SLC9A9: variants seen among roughly 807,000 people sequenced by gnomAD.
The protein encoded by SLC9A9 is solute carrier family 9 member A9.
A neutral mutation model predicts 77.8 loss-of-function variants in SLC9A9; 62 were observed. The observed-to-expected ratio is 0.80, with a 90% CI of 0.65 to 0.98. SLC9A9 has a LOEUF of 0.98. Among genes scored for constraint, SLC9A9 ranks in the 50% least tolerant of loss-of-function variants. The pLI, the probability that SLC9A9 is intolerant of heterozygous loss-of-function variation, is 0.00. For missense variants in SLC9A9, 775 were observed against 774.9 expected (o/e 1.00, Z 0.00); for synonymous variants, 320 against 283.5 (o/e 1.13, Z -1.29).
chr3:143,381,624 C>G (rs1411844622), intron 13 of SLC9A9, among the ~76,000 whole-genome samples: 1 of 152,158 alleles, frequency 6.6e-6, no homozygotes, highest in African/African-American at 2.4e-5. Context: ...GATGGATCAC[C>G]TAGACAGTTT....
chr3:143,808,013 A>T (rs961351206), intron 2 of SLC9A9, among the ~76,000 whole-genome samples: 1 of 152,146 alleles, frequency 6.6e-6, no homozygotes, highest in African/African-American at 2.4e-5. Flanking sequence ...GGTGGCCGGG[A>T]GTTGGGGAGA....
intron 6 of SLC9A9, among the ~76,000 whole-genome samples, chr3:143,584,945 G>T (rs546873279): frequency 6.6e-6 from 1 of 152,350 alleles, no homozygotes; most frequent in Non-Finnish European, 1.5e-5. Context: ...GCCAGTGTCT[G>T]CTGGTGATGG....
At chr3:143,514,926 A>G (rs1342612090) in intron 9 of SLC9A9, among the ~76,000 whole-genome samples, 2 of 152,200 alleles carry the variant, frequency 1.3e-5, no homozygotes, top group African/African-American at 2.4e-5. Flanking sequence ...CTTTGCATCA[A>G]TAAATTGGCT....
chr3:143,591,174 T>C (rs78309868), intron 6 of SLC9A9, among the ~76,000 whole-genome samples: 216 of 152,302 alleles, frequency 1.4e-3, no homozygotes, highest in African/African-American at 5.0e-3. Context: ...CCTTCCCTGA[T>C]CTCCCATTTA....
At chr3:143,816,363 C>T (rs971655319) in intron 2 of SLC9A9, among the ~76,000 whole-genome samples, 4 of 152,154 alleles carry the variant, frequency 2.6e-5, no homozygotes, top group African/African-American at 4.8e-5. Context: ...ACCACCACAA[C>T]CACCTAATTT....
chr3:143,606,424 C>CTCTCTCTG (rs1553770933), intron 6 of SLC9A9, among the ~76,000 whole-genome samples: 3 of 74,620 alleles, frequency 4.0e-5, no homozygotes, highest in Non-Finnish European at 8.0e-5. Context: ...CTCTCTCTCT[C>CTCTCTCTG]TCTCTCTCTC....
intron 4 of SLC9A9, among the ~76,000 whole-genome samples, chr3:143,791,291 A>C (rs1445908188): frequency 6.6e-6 from 1 of 152,220 alleles, no homozygotes; most frequent in Admixed American, 6.5e-5. Flanking sequence ...AATATGAAAA[A>C]CGGTTTACAT....
At chr3:143,336,531 G>T (rs2031929760) in intron 14 of SLC9A9, among the ~76,000 whole-genome samples, 1 of 152,084 alleles carries the variant, frequency 6.6e-6, no homozygotes, top group Admixed American at 6.6e-5. Context: ...AATGTGGTAT[G>T]TATAATACAT....
At chr3:143,540,064 T>C (rs2036660980) in intron 9 of SLC9A9, among the ~76,000 whole-genome samples, 1 of 151,256 alleles carries the variant, frequency 6.6e-6, no homozygotes, top group African/African-American at 2.4e-5. Context: ...GAAAGAAAAA[T>C]TAAGGGAAGA....
At chr3:143,373,139 A>T (rs959257688) in intron 13 of SLC9A9, among the ~76,000 whole-genome samples, 1 of 152,160 alleles carries the variant, frequency 6.6e-6, no homozygotes. Flanking sequence ...TATCAAAAAG[A>T]CACCTGCACA....
At chr3:143,795,214 C>T in intron 3 of SLC9A9, 137 bp from the exon 4 acceptor site, 1 of 524,090 alleles carries the variant, frequency 1.9e-6, no homozygotes, top group Admixed American at 2.6e-5. Flanking sequence ...CGTTCCTGGC[C>T]TTATTGTGCT....
intron 6 of SLC9A9, among the ~76,000 whole-genome samples, chr3:143,609,971 C>A (rs539467005): frequency 2.0e-5 from 3 of 152,158 alleles, no homozygotes; most frequent in Non-Finnish European, 2.9e-5. Flanking sequence ...TGATTATATT[C>A]AAAATTCCCA....
At chr3:143,572,892 A>T (rs1174389513) in intron 8 of SLC9A9, among the ~76,000 whole-genome samples, 1 of 152,200 alleles carries the variant, frequency 6.6e-6, no homozygotes, top group Non-Finnish European at 1.5e-5. Flanking sequence ...TGAACCAGGC[A>T]GTTGCCTGGG....
Position 143,787,505 on chromosome 3 carries a change from TG to T in SLC9A9, c.533+7495del, listed in dbSNP as rs528944528. On this transcript the variant is annotated intron_variant, in intron 4 of 15. Transcript: ENST00000316549. ...ACATGCTTGCATGCTTAAACAAAAT[TG>T]TTTTTTCTTGGTCATCTGTGAACAT... Among the ~76,000 whole-genome samples, 32 of 152,342 alleles carry T rather than the reference TG, an allele frequency of 2.1e-4. No individual in the cohort carries two copies. In the East Asian group the frequency reaches 5.0e-3, roughly 24 times the overall value.
chr3:143,637,112 C>T (rs2038535999), intron 6 of SLC9A9, among the ~76,000 whole-genome samples: 1 of 152,190 alleles, frequency 6.6e-6, no homozygotes. Context: ...CACACTAGCT[C>T]TCTAGTGATG....
At chr3:143,318,366 T>G (rs1261773847) in intron 14 of SLC9A9, among the ~76,000 whole-genome samples, 1 of 152,226 alleles carries the variant, frequency 6.6e-6, no homozygotes, top group Non-Finnish European at 1.5e-5. Flanking sequence ...TTTTGTGTTA[T>G]TTCTTTGAAG....
At chr3:143,290,564 A>G (rs1310216356) in intron 14 of SLC9A9, among the ~76,000 whole-genome samples, 3 of 152,302 alleles carry the variant, frequency 2.0e-5, no homozygotes, top group South Asian at 2.1e-4. Flanking sequence ...ATACGCTGTC[A>G]GCCATCACAC....
chr3:143,567,730 C>G (rs1320233953), intron 8 of SLC9A9, among the ~76,000 whole-genome samples: 1 of 152,126 alleles, frequency 6.6e-6, no homozygotes, highest in South Asian at 2.1e-4. Context: ...AAATTAGTAA[C>G]AACTGAAAGT....
In SLC9A9 at chr3:143,265,752, G is replaced by C. The variant is rs1559844219; in HGVS notation, c.*950C>G. 2 of 484,812 alleles carry C rather than the reference G, an allele frequency of 4.1e-6. No individual in the cohort carries two copies. The highest frequency in any genetic ancestry group is 6.5e-5 in the East Asian group (2 of 30,920). 30.0% of individuals were successfully genotyped at this position (484,812 alleles called of 1,614,324 possible). A position where few individuals can be genotyped will look rare whatever the true frequency, so the allele number is the denominator to read the frequency against. On this transcript the variant is annotated 3_prime_UTR_variant, in exon 16 of 16. Transcript: ENST00000316549. ...GTGTAACCCACACATCATTGGCTCT[G>C]TTCCTCTCGCCCTGCTCCTGCACTG...
Sources: allele counts gnomAD v4.1 joint callset (sites outside exome capture counted in the v4.1 genomes callset), GRCh38; gene constraint gnomAD v4.1.1; transcripts MANE v1.5; gene names NCBI Gene and HGNC (gene_info 2026-07-23, HGNC 2026-07-21).